Variants in KSR1 observed in about 807,000 individuals in gnomAD.
KSR1 encodes kinase suppressor of ras.
KSR1 carries 35 observed loss-of-function variants against 92.9 expected under a neutral mutation model. The observed-to-expected ratio is 0.38, with a 90% CI of 0.29 to 0.50. The LOEUF (loss-of-function observed/expected upper bound fraction) is 0.50. Ranked by LOEUF, KSR1 falls within the 20% of genes least tolerant of loss-of-function variation. The pLI is 0.94. For synonymous variants in KSR1, 467 were observed against 472.6 expected (o/e 0.99, Z 0.15); for missense variants, 972 against 1,158.5 (o/e 0.84, Z 2.34).
chr17:27,604,546 C>G lies in KSR1; in HGVS notation c.1566-134C>G. 4 of 802,740 alleles carry G rather than the reference C, an allele frequency of 5.0e-6. No individual in the cohort carries two copies. The Admixed American group carries it at 7.9e-5, about 16-fold the overall frequency. 49.7% of individuals were successfully genotyped at this position (802,740 alleles called of 1,614,324 possible). On this transcript the variant is annotated intron_variant, in intron 12 of 20. Transcript: ENST00000644974. ...GCCTCCTGCCTATTGCCATGCTATC[C>G]ACGCGGCCTTTCCCCTAGCCAGGTG...
chr17:27,583,867 C>G, intron 4 of KSR1: 1 of 340,934 alleles, frequency 2.9e-6, no homozygotes, highest in Non-Finnish European at 4.2e-6. Flanking sequence ...TGTGGCTTCT[C>G]AGGGTACGTG....
At chr17:27,529,991 C>G (rs1408812307) in intron 1 of KSR1, among the ~76,000 whole-genome samples, 2 of 152,196 alleles carry the variant, frequency 1.3e-5, no homozygotes, top group Non-Finnish European at 2.9e-5. Context: ...TACTGGGTAA[C>G]TAGTGGGTAC....
At chr17:27,505,505 C>T (rs974319063) in intron 1 of KSR1, among the ~76,000 whole-genome samples, 1 of 152,214 alleles carries the variant, frequency 6.6e-6, no homozygotes, top group Non-Finnish European at 1.5e-5. Context: ...AGAGGCAATA[C>T]GGCAAACAGC....
At chr17:27,538,661 A>C (rs750813599) in intron 1 of KSR1, among the ~76,000 whole-genome samples, 3 of 152,224 alleles carry the variant, frequency 2.0e-5, no homozygotes, top group Non-Finnish European at 4.4e-5. Context: ...CACTGGGCAC[A>C]GTGCTACCCT....
chr17:27,604,351 C>A (rs2073675194), intron 12 of KSR1, among the ~76,000 whole-genome samples: 1 of 152,182 alleles, frequency 6.6e-6, no homozygotes, highest in Non-Finnish European at 1.5e-5. Flanking sequence ...GCTGGTTTTC[C>A]AAGTTGAGGC....
chr17:27,456,621 C>T lies in KSR1; in HGVS notation c.-23C>T, dbSNP rs1423315706. Reference sequence around the variant, plus strand: ...CGCGCCCCGGGCTCCCAGCCTCGGCCGCCGCGGCCCCGATGCCGAGGCATG... The same window carrying T: ...CGCGCCCCGGGCTCCCAGCCTCGGCTGCCGCGGCCCCGATGCCGAGGCATG... On this transcript the variant is annotated 5_prime_UTR_variant, in exon 1 of 21. Coordinates refer to ENST00000644974, the MANE Select transcript of KSR1 (RefSeq NM_001394583.1). The T allele has an allele frequency of 8.3e-6, 4 of 479,434 alleles. No individual in the cohort carries two copies. The highest frequency in any genetic ancestry group is 1.4e-5 in the Non-Finnish European group (4 of 278,460). The allele number at this position is 479,434 out of a possible 1,614,324, so 29.7% of individuals were successfully genotyped here.
intron 1 of KSR1, among the ~76,000 whole-genome samples, chr17:27,484,934 T>C (rs1294209905): frequency 6.6e-6 from 1 of 152,226 alleles, no homozygotes; most frequent in Non-Finnish European, 1.5e-5. Flanking sequence ...AATAGGCTCC[T>C]TTACCAACAC....
intron 1 of KSR1, among the ~76,000 whole-genome samples, chr17:27,520,203 A>G (rs1424542986): frequency 6.6e-6 from 1 of 152,204 alleles, no homozygotes; most frequent in Non-Finnish European, 1.5e-5. Flanking sequence ...CATGTAGCAA[A>G]TGGAGTTTAA....
intron 1 of KSR1, among the ~76,000 whole-genome samples, chr17:27,546,163 G>T (rs928135219): frequency 6.6e-6 from 1 of 152,146 alleles, no homozygotes; most frequent in Non-Finnish European, 1.5e-5. Flanking sequence ...AGAAACATGG[G>T]GATAAGAACC....
chr17:27,617,521 A>C, intron 19 of KSR1, 93 bp downstream of exon 19: 2 of 1,454,128 alleles, frequency 1.4e-6, no homozygotes, highest in Non-Finnish European at 9.2e-7. Flanking sequence ...TCTGCCCAAG[A>C]CTTTGTTTTT....
chr17:27,541,651 G>A (rs2151067981), intron 1 of KSR1, among the ~76,000 whole-genome samples: 1 of 152,348 alleles, frequency 6.6e-6, no homozygotes, highest in African/African-American at 2.4e-5. Flanking sequence ...TGGGTTGCAG[G>A]AGTCATTATT....
chr17:27,514,168 A>T (rs1411589190), intron 1 of KSR1, among the ~76,000 whole-genome samples: 1 of 152,278 alleles, frequency 6.6e-6, no homozygotes, highest in Non-Finnish European at 1.5e-5. Flanking sequence ...GCCATTTGCC[A>T]CTTGCAACAG....
At chr17:27,491,703 C>T (rs550888011) in intron 1 of KSR1, among the ~76,000 whole-genome samples, 2 of 152,224 alleles carry the variant, frequency 1.3e-5, no homozygotes, top group East Asian at 1.9e-4. Flanking sequence ...GTATGCTGGT[C>T]ATCATAGAGG....
intron 1 of KSR1, among the ~76,000 whole-genome samples, chr17:27,462,450 G>A (rs1017120381): frequency 6.6e-6 from 1 of 152,202 alleles, no homozygotes; most frequent in African/African-American, 2.4e-5. Context: ...TGGCCACCCA[G>A]GCTGTGCAGC....
At chr17:27,566,084 G>A (rs1041673593) in intron 2 of KSR1, among the ~76,000 whole-genome samples, 3 of 152,160 alleles carry the variant, frequency 2.0e-5, no homozygotes, top group Non-Finnish European at 2.9e-5. Context: ...GAGTTCATGT[G>A]GGGGTGGGGG....
At chr17:27,555,515 T>C (rs1211006397) in intron 2 of KSR1, among the ~76,000 whole-genome samples, 1 of 56,560 alleles carries the variant, frequency 1.8e-5, no homozygotes, top group Non-Finnish European at 4.7e-5. Flanking sequence ...GTTTGGCGTG[T>C]GTGTGTGTGT....
intron 1 of KSR1, among the ~76,000 whole-genome samples, chr17:27,500,731 G>A (rs899367203): frequency 6.6e-6 from 1 of 152,192 alleles, no homozygotes; most frequent in Non-Finnish European, 1.5e-5. Context: ...GGGGTGCAGA[G>A]TTATGAGAAA....
chr17:27,479,679 C>T lies in KSR1; in HGVS notation c.231+22805C>T, dbSNP rs184116650. On this transcript the variant is annotated intron_variant, in intron 1 of 20. Transcript: ENST00000644974. Reference sequence around the variant, plus strand: ...AGCTGGGCATCCCAGACCTCTGTTGCGGCCTCCAGGGAGTGGGTAGGTTCT... The same window carrying T: ...AGCTGGGCATCCCAGACCTCTGTTGTGGCCTCCAGGGAGTGGGTAGGTTCT... Among the ~76,000 whole-genome samples, 7 of 152,246 alleles carry T rather than the reference C, an allele frequency of 4.6e-5. No homozygotes were observed. In the East Asian group the frequency reaches 1.2e-3, roughly 25 times the overall value.
chr17:27,476,749 G>A (rs2068359804), intron 1 of KSR1, among the ~76,000 whole-genome samples: 1 of 152,122 alleles, frequency 6.6e-6, no homozygotes, highest in South Asian at 2.1e-4. Flanking sequence ...CAGCACACAT[G>A]TAAGGCCTGC....
Sources: gnomAD v4.1 joint callset for allele counts (sites outside exome capture counted in the v4.1 genomes callset) on GRCh38, gnomAD v4.1.1 for gene constraint, MANE v1.5 for transcripts, NCBI Gene and HGNC (gene_info 2026-07-23, HGNC 2026-07-21) for gene names.